The following ATP6V1C1 variants were observed in gnomAD, a reference collection of about 807,000 sequenced individuals.
ATP6V1C1 encodes V-type proton ATPase subunit C 1.
A neutral mutation model predicts 53.9 loss-of-function variants in ATP6V1C1; 45 were observed. That is an observed-to-expected ratio of 0.83 (90% CI 0.66 to 1.07). The LOEUF (loss-of-function observed/expected upper bound fraction) is 1.07. Ranked by LOEUF, ATP6V1C1 falls within the 50% of genes least tolerant of loss-of-function variation. ATP6V1C1 has a pLI of 0.00. For missense variants in ATP6V1C1, 315 were observed against 440.3 expected, an observed-to-expected ratio of 0.72 and a Z score of 2.55; for synonymous variants, 153 against 155.2, an observed-to-expected ratio of 0.99 and a Z score of 0.11.
intron 3 of ATP6V1C1, among the ~76,000 whole-genome samples, chr8:103,045,974 CTTTTT>C (rs1216745913): frequency 6.8e-6 from 1 of 147,822 alleles, no homozygotes; most frequent in Non-Finnish European, 1.5e-5. Flanking sequence ...TGTGAGGGAA[CTTTTT>C]TTTTTAGTTG....
chr8:103,028,974 G>A (rs192709152), intron 1 of ATP6V1C1, among the ~76,000 whole-genome samples: 74 of 152,070 alleles, frequency 4.9e-4, no homozygotes, highest in Non-Finnish European at 8.2e-4. Context: ...ATAAGGATGC[G>A]GTGGGACATT....
chr8:103,021,489 G>A (rs987084137), intron 1 of ATP6V1C1: 1 of 152,478 alleles, frequency 6.6e-6, no homozygotes, highest in Non-Finnish European at 1.5e-5. Context: ...GAGATACAGC[G>A]GTCTGGGATC....
chr8:103,061,874 A>C (rs559908313), intron 8 of ATP6V1C1, among the ~76,000 whole-genome samples: 2 of 152,336 alleles, frequency 1.3e-5, no homozygotes, highest in South Asian at 4.1e-4. Flanking sequence ...ACTTCTATAC[A>C]GGAGGCACTA....
Position 103,053,795 on chromosome 8 carries a change from TA to T in ATP6V1C1, c.474-88del, listed in dbSNP as rs373479505. The T allele has an allele frequency of 5.0e-4, 455 of 907,356 alleles. 1 individual carries two copies. In the African/African-American group the frequency reaches 6.9e-3, roughly 14 times the overall value. 56.2% of individuals were successfully genotyped at this position (907,356 alleles called of 1,614,324 possible). A position where few individuals can be genotyped will look rare whatever the true frequency, so the allele number is the denominator to read the frequency against. On this transcript the variant is annotated intron_variant, in intron 6 of 12. Transcript: ENST00000518738. Reference sequence around the variant, plus strand: ...CTAATCCCTCTCAATGTATATATAGTATATGTGAAAATGATTAGCCTGCTGT... The same window carrying T: ...CTAATCCCTCTCAATGTATATATAGTTATGTGAAAATGATTAGCCTGCTGT...
At chr8:103,038,487 A>G (rs952792806) in intron 1 of ATP6V1C1, among the ~76,000 whole-genome samples, 1 of 152,214 alleles carries the variant, frequency 6.6e-6, no homozygotes, top group Admixed American at 6.5e-5. Flanking sequence ...ATATCCTGTA[A>G]TTCAGCTATT....
Position 103,062,761 on chromosome 8 carries a change from TATC to T in ATP6V1C1, c.642-191_642-189del, listed in dbSNP as rs371799146. Among the ~76,000 whole-genome samples the T allele has an allele frequency of 3.4e-3, 522 of 152,304 alleles. 2 individuals carry two copies. The highest frequency in any genetic ancestry group is 0.012 in the African/African-American group (491 of 41,558). ...AAGAAATAAATGTAGAGTGTTAAGG[TATC>T]ATAAGCAAAATAAATCATAAACATT... On this transcript the variant is annotated intron_variant, in intron 8 of 12. Transcript: ENST00000518738.
chr8:103,066,300 G>A (rs372886286), intron 11 of ATP6V1C1, 21 bp from the exon 12 acceptor site: 29 of 1,596,556 alleles, frequency 1.8e-5, no homozygotes, highest in Non-Finnish European at 2.3e-5. Context: ...ATTGCGTACT[G>A]TATTTCTGCT....
intron 10 of ATP6V1C1, 88 bp downstream of exon 10, chr8:103,063,316 C>A: frequency 2.3e-6 from 2 of 879,398 alleles, no homozygotes; most frequent in Non-Finnish European, 1.7e-6. Context: ...AAGTAAAAAT[C>A]TGCTTTGGTT....
At chr8:103,044,673 A>AC (rs1016643610) in intron 3 of ATP6V1C1, among the ~76,000 whole-genome samples, 8 of 133,648 alleles carry the variant, frequency 6.0e-5, no homozygotes, top group African/African-American at 2.0e-4. Flanking sequence ...GAATTCTCCA[A>AC]CTTTTTTTTT....
chr8:103,040,951 A>G lies in ATP6V1C1; in HGVS notation c.115A>G (p.Asn39Asp), dbSNP rs777855884. The change falls in exon 2 of 13, where the codon AAT (asparagine) becomes GAT (aspartate). Residue 39 changes from asparagine (N) to aspartate (D), a missense_variant. Physicochemically the swap from Asn to Asp is conservative, Grantham distance 23. Coordinates refer to ENST00000518738, the MANE Select transcript of ATP6V1C1 (RefSeq NM_001695.5). ...TAATCTTGCTGTCACTTCCAAGTTC[A>G]ATATTCCTGACTTAAAGGTGAAGCT... ...NNNLAVTSKF[N>D]IPDLKVGTLD... The G allele has an allele frequency of 6.2e-7, 1 of 1,614,046 alleles. No homozygotes were observed. The highest frequency in any genetic ancestry group is 8.5e-7 in the Non-Finnish European group (1 of 1,179,946).
At chr8:103,023,507 G>C (rs898688294) in intron 1 of ATP6V1C1, among the ~76,000 whole-genome samples, 8 of 152,222 alleles carry the variant, frequency 5.3e-5, no homozygotes, top group South Asian at 2.1e-4. Context: ...CCCTTCACAG[G>C]GTAGTCGTAA....
At chr8:103,039,800 G>C (rs1213275512) in intron 1 of ATP6V1C1, among the ~76,000 whole-genome samples, 1 of 152,044 alleles carries the variant, frequency 6.6e-6, no homozygotes, top group Non-Finnish European at 1.5e-5. Context: ...GGGACTCTTT[G>C]GAAAGGGAGA....
At chr8:103,045,154 AG>A (rs1342591385) in intron 3 of ATP6V1C1, among the ~76,000 whole-genome samples, 1 of 152,234 alleles carries the variant, frequency 6.6e-6, no homozygotes, top group East Asian at 1.9e-4. Context: ...TGAAGCTTTA[AG>A]GGAATAATAG....
rs767825523 is a variant in ATP6V1C1 at position 103,062,161 on chromosome 8, G to GTTTT, written c.642-768_642-765dup. Among the ~76,000 whole-genome samples, 95 of 70,790 alleles carry GTTTT rather than the reference G, an allele frequency of 1.3e-3. 8 individuals are homozygous for GTTTT. Among genetic ancestry groups the GTTTT allele is most frequent in the Admixed American group, 2.3e-3 (11 of 4,882 alleles). The allele number at this position is 70,790 out of a possible 152,430, so 46.4% of individuals were successfully genotyped here. ...TATTTAGACAGTTGTGTTCATCAGG[G>GTTTT]TTTTTTTTTTTTTTTTTTTTTTTTT... On this transcript the variant is annotated intron_variant, in intron 8 of 12. Transcript: ENST00000518738.
intron 12 of ATP6V1C1, 54 bp from the exon 13 acceptor site, chr8:103,068,598 C>A: frequency 7.2e-7 from 1 of 1,397,878 alleles, no homozygotes; most frequent in Middle Eastern, 1.8e-4. Context: ...TACTTGCTTT[C>A]TTTTTTTGAG....
rs1031506273 is a variant in ATP6V1C1, at chr8:103,072,793, C to A, written c.*4046C>A. On this transcript the variant is annotated 3_prime_UTR_variant, in exon 13 of 13. Coordinates refer to ENST00000518738, the MANE Select transcript of ATP6V1C1 (RefSeq NM_001695.5). ...AGGGAACAGAGTAAAGCCATGGAAG[C>A]CATGAACAGTAAGAGACTGCCGCCT... 1 of 152,196 alleles carries A rather than the reference C, an allele frequency of 6.6e-6. No individual in the cohort carries two copies. The highest frequency in any genetic ancestry group is 2.4e-5 in the African/African-American group (1 of 41,458). The allele number at this position is 152,196 out of a possible 1,614,324, so 9.4% of individuals were successfully genotyped here.
At position 103,047,618 on chromosome 8, in the gene ATP6V1C1, T is replaced by TG. The variant is rs1208463434; in HGVS notation, c.201-1251dup. On this transcript the variant is annotated intron_variant, in intron 3 of 12. Transcript: ENST00000518738. ...CTGTCTAGAGTGTGGCTTCAGAGGCTGTGTATCTGCAATCTGGCATCCCAC... is the reference window on the plus strand; with the variant it reads ...CTGTCTAGAGTGTGGCTTCAGAGGCTGGTGTATCTGCAATCTGGCATCCCAC... 2.6e-5 allele frequency among the ~76,000 whole-genome samples: 4 copies of TG among 152,288 alleles called. No homozygotes were observed. The East Asian group carries it at 7.7e-4, about 29-fold the overall frequency.
rs1816988789 is a variant in ATP6V1C1 at position 103,040,929 on chromosome 8, T to C, written c.93T>C (p.Asn31=). ...ATGCGGCAACTTCAAAGAACAATAA[T>C]CTTGCTGTCACTTCCAAGTTCAATA... The part of the protein sequence containing the change: ...KLHAATSKNN[N]LAVTSKFNIP... Residue 31 remains asparagine (N), a synonymous_variant, in exon 2 of 13, where the codon AAT becomes AAC. Transcript: ENST00000518738. The C allele has an allele frequency of 1.2e-6, 2 of 1,613,986 alleles. No homozygotes were observed. Among genetic ancestry groups the C allele is most frequent in the African/African-American group, 2.7e-5 (2 of 74,934 alleles).
At chr8:103,031,374 C>T (rs1425585205) in intron 1 of ATP6V1C1, among the ~76,000 whole-genome samples, 1 of 152,010 alleles carries the variant, frequency 6.6e-6, no homozygotes, top group African/African-American at 2.4e-5. Flanking sequence ...TTTTGGCTTA[C>T]AGTTCTGTAG....
Sources: gnomAD v4.1 joint callset for allele counts (sites outside exome capture counted in the v4.1 genomes callset) on GRCh38, gnomAD v4.1.1 for gene constraint, MANE v1.5 for transcripts, NCBI Gene and HGNC (gene_info 2026-07-23, HGNC 2026-07-21) for gene names.